RPS6KC1: variants seen among roughly 807,000 people sequenced by gnomAD.
RPS6KC1 encodes ribosomal protein S6 kinase C1, also known as inactive ribosomal protein S6 kinase delta-1.
A neutral mutation model predicts 103.8 loss-of-function variants in RPS6KC1; 54 were observed. The ratio of observed to expected loss-of-function variants is 0.52; its 90% CI spans 0.42 to 0.65. RPS6KC1 has a LOEUF of 0.65. Among genes scored for constraint, RPS6KC1 ranks in the 30% least tolerant of loss-of-function variants. RPS6KC1 has a pLI of 0.00. For missense variants in RPS6KC1, 1,151 were observed against 1,253.8 expected (o/e 0.92, Z 1.24); for synonymous variants, 439 against 438.7 (o/e 1.00, Z -0.01).
intron 3 of RPS6KC1, among the ~76,000 whole-genome samples, chr1:213,098,028 G>A (rs1020041568): frequency 6.6e-6 from 1 of 152,198 alleles, no homozygotes; most frequent in East Asian, 1.9e-4. Context: ...GTTCACTGGA[G>A]TAACACTTTT....
chr1:213,318,608 G>A, the RPS6KC1 span, among the ~76,000 whole-genome samples: 1 of 152,182 alleles, frequency 6.6e-6, no homozygotes, highest in Non-Finnish European at 1.5e-5. Flanking sequence ...GAGATTTAAT[G>A]GACTTATAGT....
intron 12 of RPS6KC1, among the ~76,000 whole-genome samples, chr1:213,260,328 G>T (rs370968343): frequency 5.9e-5 from 9 of 152,182 alleles, no homozygotes; most frequent in African/African-American, 2.2e-4. Context: ...GGGCTGTGAA[G>T]GGGTAGAGTT....
In RPS6KC1 at chr1:213,268,623, T is replaced by G. The variant is rs2094967376; in HGVS notation, c.3091-3901T>G. ...TTTATTTAAAAGACATAAAATTGCA[T>G]GTAGCAACAATTATAAAACCATGCT... On this transcript the variant is annotated intron_variant, in intron 14 of 14. Coordinates refer to ENST00000366960, the MANE Select transcript of RPS6KC1 (RefSeq NM_012424.6). Among the ~76,000 whole-genome samples, 4 of 149,022 alleles carry G rather than the reference T, an allele frequency of 2.7e-5. No individual in the cohort carries two copies. The South Asian group carries it at 6.3e-4, about 23-fold the overall frequency.
Position 213,154,251 on chromosome 1 carries a change from C to T in RPS6KC1, c.836-13607C>T, listed in dbSNP as rs115723022. Among the ~76,000 whole-genome samples the T allele has an allele frequency of 4.4e-3, 663 of 152,364 alleles. 4 individuals are homozygous for T. The highest frequency in any genetic ancestry group is 0.015 in the African/African-American group (639 of 41,596). Reference sequence around the variant, plus strand: ...TTGTCCAAGGCCTGTTATAGCCACTCCCTGGCTACTGCCTATGTTTGCTGA... The same window carrying T: ...TTGTCCAAGGCCTGTTATAGCCACTTCCTGGCTACTGCCTATGTTTGCTGA... On this transcript the variant is annotated intron_variant, in intron 6 of 14. Transcript: ENST00000366960.
chr1:213,255,741 A>T (rs1409561776), intron 12 of RPS6KC1, among the ~76,000 whole-genome samples: 3 of 152,050 alleles, frequency 2.0e-5, no homozygotes, highest in Non-Finnish European at 4.4e-5. Flanking sequence ...AATTGAAAGA[A>T]TTTTTTTTCT....
chr1:213,119,425 CATATATATATATATATAT>C (rs757888943), intron 5 of RPS6KC1, among the ~76,000 whole-genome samples: 20 of 90,926 alleles, frequency 2.2e-4, no homozygotes, highest in East Asian at 7.1e-4. Context: ...CCAGCCTGGG[CATATATATATATATATAT>C]ATATATATAT....
At chr1:213,068,689 A>G (rs1458224279) in intron 1 of RPS6KC1, among the ~76,000 whole-genome samples, 1 of 151,766 alleles carries the variant, frequency 6.6e-6, no homozygotes, top group Non-Finnish European at 1.5e-5. Context: ...CTAATTTGGT[A>G]GCCATTAACC....
chr1:213,791,227 G>A, the RPS6KC1 span, among the ~76,000 whole-genome samples: 1 of 152,228 alleles, frequency 6.6e-6, no homozygotes, highest in African/African-American at 2.4e-5. Context: ...GATATAGGCT[G>A]AGAATATAAG....
At chr1:213,286,741 C>CT in the RPS6KC1 span, among the ~76,000 whole-genome samples, 1 of 152,176 alleles carries the variant, frequency 6.6e-6, no homozygotes, top group African/African-American at 2.4e-5. Flanking sequence ...TGGATACAGG[C>CT]ATTAAGCATC....
chr1:213,386,945 G>A, the RPS6KC1 span, among the ~76,000 whole-genome samples: 4 of 152,318 alleles, frequency 2.6e-5, no homozygotes, highest in South Asian at 2.1e-4. Context: ...CTTTAGACAC[G>A]ATGAGAGGAA....
At chr1:213,441,799 T>C in the RPS6KC1 span, among the ~76,000 whole-genome samples, 4 of 152,240 alleles carry the variant, frequency 2.6e-5, no homozygotes, top group African/African-American at 9.6e-5. Context: ...ATATAGTTAA[T>C]ATCTGTTATA....
At chr1:213,182,544 A>T (rs954452891) in intron 8 of RPS6KC1, among the ~76,000 whole-genome samples, 1 of 152,006 alleles carries the variant, frequency 6.6e-6, no homozygotes, top group Non-Finnish European at 1.5e-5. Flanking sequence ...AAAAATGTTC[A>T]AATAACCCAC....
the RPS6KC1 span, among the ~76,000 whole-genome samples, chr1:213,777,361 C>T: frequency 6.6e-6 from 1 of 152,130 alleles, no homozygotes; most frequent in East Asian, 1.9e-4. Context: ...GTTCATTGGC[C>T]TAATTTCAAT....
chr1:213,772,615 C>A, the RPS6KC1 span, among the ~76,000 whole-genome samples: 1 of 150,286 alleles, frequency 6.7e-6, no homozygotes, highest in South Asian at 2.2e-4. Flanking sequence ...TGTCCCCTCC[C>A]GGGAAGATGG....
the RPS6KC1 span, chr1:213,818,169 C>T: frequency 1.3e-5 from 2 of 152,194 alleles, no homozygotes; most frequent in Admixed American, 1.3e-4. Context: ...CAGTTAATAA[C>T]CCTACAATAG....
the RPS6KC1 span, among the ~76,000 whole-genome samples, chr1:213,844,614 G>C: frequency 2.0e-5 from 3 of 152,042 alleles, no homozygotes; most frequent in Admixed American, 2.0e-4. Flanking sequence ...AAAGTTACAA[G>C]CAAGAGATAA....
the RPS6KC1 span, among the ~76,000 whole-genome samples, chr1:213,418,983 G>A: frequency 6.6e-6 from 1 of 152,220 alleles, no homozygotes; most frequent in South Asian, 2.1e-4. Flanking sequence ...GAAGGGAGCT[G>A]GGTTGTTCTG....
chr1:213,503,866 GT>G, the RPS6KC1 span, among the ~76,000 whole-genome samples: 1 of 152,030 alleles, frequency 6.6e-6, no homozygotes, highest in South Asian at 2.1e-4. Context: ...AAATTACAAA[GT>G]TTTTTTGTAA....
At chr1:213,150,560 C>T (rs887639403) in intron 6 of RPS6KC1, among the ~76,000 whole-genome samples, 1 of 150,964 alleles carries the variant, frequency 6.6e-6, no homozygotes, top group Admixed American at 6.6e-5. Flanking sequence ...CAAAGCACAT[C>T]TTGCACCGCC....
Sources: allele counts gnomAD v4.1 joint callset (sites outside exome capture counted in the v4.1 genomes callset), GRCh38; gene constraint gnomAD v4.1.1; transcripts MANE v1.5; gene names NCBI Gene and HGNC (gene_info 2026-07-23, HGNC 2026-07-21).